MANBA: variants seen among roughly 807,000 people sequenced by gnomAD.
MANBA encodes mannosidase beta, also known as beta-mannosidase.
Under a neutral mutation model 111.1 loss-of-function variants are expected in MANBA, and 83 were observed. That is an observed-to-expected ratio of 0.75 (90% CI 0.63 to 0.90). MANBA has a LOEUF of 0.90. Among genes scored for constraint, MANBA ranks in the 40% least tolerant of loss-of-function variants. The pLI is 0.00. For missense variants in MANBA, 1,036 were observed against 1,069.0 expected (o/e 0.97, Z 0.43); for synonymous variants, 370 against 378.7 (o/e 0.98, Z 0.27).
rs145976057 is a variant in MANBA, at chr4:102,650,922, T to G, written c.1705-221A>C. On this transcript the variant is annotated intron_variant, in intron 12 of 16. Coordinates refer to ENST00000647097, the MANE Select transcript of MANBA (RefSeq NM_005908.4). ...ACAAAACCAGGGTTTGGTACATATATCCTCCCTTCCTCCAACTAAGAAAGT... is the reference window on the plus strand; with the variant it reads ...ACAAAACCAGGGTTTGGTACATATAGCCTCCCTTCCTCCAACTAAGAAAGT... 10 of 512,628 alleles carry G rather than the reference T, an allele frequency of 2.0e-5. No individual in the cohort carries two copies. The South Asian group carries it at 2.3e-4, about 12-fold the overall frequency. The allele number at this position is 512,628 out of a possible 1,614,324, so 31.8% of individuals were successfully genotyped here.
At chr4:102,634,684 C>T (rs906598707) in intron 16 of MANBA, 104 bp downstream of exon 16, 2 of 1,497,120 alleles carry the variant, frequency 1.3e-6, no homozygotes, top group East Asian at 4.5e-5. Flanking sequence ...AAACTCAGCA[C>T]CAAGGGGGAC....
chr4:102,640,296 T>C, intron 13 of MANBA, among the ~76,000 whole-genome samples: 1 of 152,292 alleles, frequency 6.6e-6, no homozygotes, highest in East Asian at 1.9e-4. Flanking sequence ...ATAAGAAAAA[T>C]AACATTGTTA....
chr4:102,756,761 A>C (rs1239033277), intron 1 of MANBA, among the ~76,000 whole-genome samples: 1 of 144,404 alleles, frequency 6.9e-6, no homozygotes, highest in African/African-American at 2.6e-5. Context: ...CTTCTTACTT[A>C]TCTATATATT....
chr4:102,729,014 T>C, intron 1 of MANBA: 1 of 969,840 alleles, frequency 1.0e-6, no homozygotes. Flanking sequence ...GGTGGCTATC[T>C]CGATGTCCAG....
At chr4:102,712,938 T>C (rs563357514) in intron 5 of MANBA, among the ~76,000 whole-genome samples, 2 of 152,326 alleles carry the variant, frequency 1.3e-5, no homozygotes, top group South Asian at 4.1e-4. Flanking sequence ...AGCGAAAATC[T>C]TTAGTTGGAT....
intron 5 of MANBA, among the ~76,000 whole-genome samples, chr4:102,703,746 C>G (rs1401066809): frequency 6.6e-6 from 1 of 152,128 alleles, no homozygotes; most frequent in Admixed American, 6.5e-5. Flanking sequence ...CCATCTCCAA[C>G]CTGATCAATC....
Position 102,760,917 on chromosome 4 carries a change from A to T in MANBA, c.-23T>A. On this transcript the variant is annotated 5_prime_UTR_variant, in exon 1 of 17. Coordinates refer to ENST00000647097, the MANE Select transcript of MANBA (RefSeq NM_005908.4). ...CATCTTGAGATCCCGCGCCACCGAG[A>T]TGTGGAGAGATCGAAAGGCAGCGCT... 6.5e-7 allele frequency: 1 copy of T among 1,548,266 alleles called. No homozygotes were observed. The highest frequency in any genetic ancestry group is 8.7e-7 in the Non-Finnish European group (1 of 1,151,374).
At chr4:102,645,682 C>T (rs1257285939) in intron 13 of MANBA, among the ~76,000 whole-genome samples, 1 of 152,024 alleles carries the variant, frequency 6.6e-6, no homozygotes, top group Non-Finnish European at 1.5e-5. Context: ...TGTATATATT[C>T]TCTTATCACC....
chr4:102,634,730 G>T, intron 16 of MANBA, 58 bp downstream of exon 16: 1 of 1,607,890 alleles, frequency 6.2e-7, no homozygotes. Flanking sequence ...GCTGGCCCAA[G>T]AGCAGGAGAA....
intron 1 of MANBA, among the ~76,000 whole-genome samples, chr4:102,749,363 G>T (rs1197519440): frequency 6.6e-6 from 1 of 152,186 alleles, no homozygotes; most frequent in Non-Finnish European, 1.5e-5. Context: ...AGTGATGGCT[G>T]AAACAAAGAG....
chr4:102,646,366 A>G (rs928955128), intron 13 of MANBA, among the ~76,000 whole-genome samples: 2 of 152,108 alleles, frequency 1.3e-5, no homozygotes, highest in Non-Finnish European at 2.9e-5. Flanking sequence ...TAACCATTCC[A>G]GGGCAGCAGG....
At chr4:102,673,586 T>C (rs1731592501) in intron 8 of MANBA, among the ~76,000 whole-genome samples, 1 of 152,206 alleles carries the variant, frequency 6.6e-6, no homozygotes. Context: ...TTTGAAAAGC[T>C]GAAAATAGTT....
intron 7 of MANBA, among the ~76,000 whole-genome samples, chr4:102,684,992 C>G (rs1045171920): frequency 2.6e-5 from 4 of 152,110 alleles, no homozygotes; most frequent in Middle Eastern, 3.2e-3. Flanking sequence ...ACCTAAATGT[C>G]AAAAACATAA....
intron 9 of MANBA, among the ~76,000 whole-genome samples, chr4:102,670,197 C>T (rs1190555310): frequency 1.3e-5 from 2 of 150,770 alleles, no homozygotes; most frequent in Non-Finnish European, 2.9e-5. Context: ...CCCAAAGCAG[C>T]CTGTCTGAGT....
At chr4:102,747,353 CTA>C (rs1175692521) in intron 1 of MANBA, among the ~76,000 whole-genome samples, 1 of 152,112 alleles carries the variant, frequency 6.6e-6, no homozygotes, top group East Asian at 1.9e-4. Flanking sequence ...GGATAAGCCA[CTA>C]TAGTCTTTTC....
rs566972714 is a variant in MANBA, at chr4:102,728,207, G to C, written c.178-1524C>G. The stretch of plus-strand genomic sequence containing the variant: ...GTGAGGCTGTTCCAGCTCCCTTGGG[G>C]CTGGACTCCTGAGCCTTTTTTCTTT... On this transcript the variant is annotated intron_variant, in intron 1 of 16. Transcript: ENST00000647097. 1.4e-3 allele frequency: 774 copies of C among 538,230 alleles called. 8 individuals are homozygous for C. Among genetic ancestry groups the C allele is most frequent in the Middle Eastern group, 0.014 (21 of 1,538 alleles). 33.3% of individuals were successfully genotyped at this position (538,230 alleles called of 1,614,324 possible).
chr4:102,636,098 T>G (rs1578857191), intron 14 of MANBA, 91 bp from the exon 15 acceptor site: 1 of 1,157,174 alleles, frequency 8.6e-7, no homozygotes, highest in South Asian at 1.3e-5. Flanking sequence ...CTCATCGGGG[T>G]TCTAAGGGAG....
chr4:102,721,447 G>T (rs1722568864), intron 4 of MANBA, among the ~76,000 whole-genome samples: 1 of 152,012 alleles, frequency 6.6e-6, no homozygotes, highest in Non-Finnish European at 1.5e-5. Context: ...TGAAAGAAGG[G>T]TCATGTAAAG....
chr4:102,738,631 A>C (rs1723300245), intron 1 of MANBA, among the ~76,000 whole-genome samples: 1 of 152,232 alleles, frequency 6.6e-6, no homozygotes, highest in Admixed American at 6.5e-5. Flanking sequence ...CTTTCCACTG[A>C]AACAGTCTAC....
Sources: gnomAD v4.1 joint callset for allele counts (sites outside exome capture counted in the v4.1 genomes callset) on GRCh38, gnomAD v4.1.1 for gene constraint, MANE v1.5 for transcripts, NCBI Gene and HGNC (gene_info 2026-07-23, HGNC 2026-07-21) for gene names.